PCDHGB7: variants seen among roughly 807,000 people sequenced by gnomAD.
The protein encoded by PCDHGB7 is protocadherin gamma subfamily B, 7, also known as protocadherin gamma-B7.
In PCDHGB7, 37 loss-of-function variants were observed where a neutral mutation model predicts 61.4. The ratio of observed to expected loss-of-function variants is 0.60; its 90% CI spans 0.46 to 0.79. The LOEUF is 0.79. Among genes scored for constraint, PCDHGB7 ranks in the 30% least tolerant of loss-of-function variants. PCDHGB7 has a pLI of 0.00. For missense variants in PCDHGB7, 1,166 were observed against 1,202.5 expected, an observed-to-expected ratio of 0.97 and a Z score of 0.45; for synonymous variants, 464 against 503.5, an observed-to-expected ratio of 0.92 and a Z score of 1.05.
chr5:141,421,695 T>C (rs374319762), intron 1 of PCDHGB7: 15 of 1,613,840 alleles, frequency 9.3e-6, no homozygotes, highest in Non-Finnish European at 1.2e-5. Context: ...TTGCTCTTCC[T>C]AATGCTAGGG....
Position 141,490,845 on chromosome 5 carries a change from G to T in PCDHGB7, c.2416-3962G>T, listed in dbSNP as rs748605746. The T allele has an allele frequency of 1.4e-5, 22 of 1,613,726 alleles. No individual in the cohort carries two copies. The highest frequency in any genetic ancestry group is 1.7e-5 in the Non-Finnish European group (20 of 1,179,894). On this transcript the variant is annotated intron_variant, in intron 1 of 3. Coordinates refer to ENST00000398594, the MANE Select transcript of PCDHGB7 (RefSeq NM_018927.4). This position sits in a 1 kb window ranked among gnomAD's most constrained non-coding sequence, Gnocchi z 5.4. ...TGCAGATGCTGCAGATTGTGGTGGG[G>T]GTTCGAGACTCCGGCTCTCCCCCAT...
At position 141,477,372 on chromosome 5, in the gene PCDHGB7, CTG is replaced by C; in HGVS notation, c.2416-17432_2416-17431del. On this transcript the variant is annotated intron_variant, in intron 1 of 3. Transcript: ENST00000398594. This position sits in a 1 kb window ranked among gnomAD's most constrained non-coding sequence, Gnocchi z 4.9. ...ACCAGTGCAGACCTGGATCGGGAGA[CTG>C]TGCCAGAATACAACCTCAGCATCAC... The C allele has an allele frequency of 6.2e-7, 1 of 1,614,154 alleles. No homozygotes were observed. The highest frequency in any genetic ancestry group is 8.5e-7 in the Non-Finnish European group (1 of 1,180,030).
chr5:141,490,984 T>TCTG lies in PCDHGB7; in HGVS notation c.2416-3820_2416-3818dup. On this transcript the variant is annotated intron_variant, in intron 1 of 3. Transcript: ENST00000398594. The surrounding 1 kb of genome is among the most constrained non-coding windows in gnomAD (Gnocchi z 5.4). ...CTCAGCCCCCCAGCGTCTCCCTCGCTCTGCTCCTCCTGGCTCCTTGGTCAC... is the reference window on the plus strand; with the variant it reads ...CTCAGCCCCCCAGCGTCTCCCTCGCTCTGCTGCTCCTCCTGGCTCCTTGGTCAC... The TCTG allele has an allele frequency of 1.2e-6, 2 of 1,614,110 alleles. No homozygotes were observed. Among genetic ancestry groups the TCTG allele is most frequent in the Non-Finnish European group, 1.7e-6 (2 of 1,180,028 alleles).
intron 1 of PCDHGB7, among the ~76,000 whole-genome samples, chr5:141,434,609 G>T (rs189866750): frequency 1.3e-5 from 2 of 151,946 alleles, no homozygotes; most frequent in Non-Finnish European, 2.9e-5. Flanking sequence ...CTTTATTTCC[G>T]CCCATCTCTT....
At position 141,489,728 on chromosome 5, in the gene PCDHGB7, G is replaced by T; in HGVS notation, c.2416-5079G>T. ...GACAGTGCCCAGGATCCGGATGTGGGCACCAATACTGTGAGCTTTTACACT... is the reference window on the plus strand; with the variant it reads ...GACAGTGCCCAGGATCCGGATGTGGTCACCAATACTGTGAGCTTTTACACT... On this transcript the variant is annotated intron_variant, in intron 1 of 3. Transcript: ENST00000398594. The surrounding 1 kb of genome is among the most constrained non-coding windows in gnomAD (Gnocchi z 4.5). The T allele has an allele frequency of 3.1e-6, 5 of 1,614,138 alleles. No homozygotes were observed. The South Asian group carries it at 5.5e-5, about 18-fold the overall frequency.
At chr5:141,420,742 A>G (rs967908996) in intron 1 of PCDHGB7, among the ~76,000 whole-genome samples, 3 of 152,372 alleles carry the variant, frequency 2.0e-5, no homozygotes, top group African/African-American at 7.2e-5. Context: ...AATCAATTGG[A>G]ACCAACTACA....
chr5:141,419,109 A>T lies in PCDHGB7; in HGVS notation c.1250A>T (p.Glu417Val). The change falls in exon 1 of 4, where the codon GAG becomes GTG. Residue 417 changes from glutamate (E) to valine (V), a missense_variant. Coordinates refer to ENST00000398594, the MANE Select transcript of PCDHGB7 (RefSeq NM_018927.4). ...DEALDREQTPEYNVTIAATDR... is the reference protein window; with the variant it reads ...DEALDREQTPVYNVTIAATDR... ...GCCCTGGATCGGGAGCAGACCCCAG[A>T]GTACAACGTCACCATCGCAGCCACA... 1 of 1,613,940 alleles carries T rather than the reference A, an allele frequency of 6.2e-7. No individual in the cohort carries two copies. The highest frequency in any genetic ancestry group is 8.5e-7 in the Non-Finnish European group (1 of 1,179,896).
chr5:141,479,733 A>G (rs2099504879), intron 1 of PCDHGB7: 1 of 152,254 alleles, frequency 6.6e-6, no homozygotes, highest in Admixed American at 6.5e-5. Context: ...TTTCTTAAGT[A>G]TATGCACAAT....
Position 141,486,344 on chromosome 5 carries a change from G to C in PCDHGB7, c.2416-8463G>C. 6.2e-7 allele frequency: 1 copy of C among 1,614,062 alleles called. No homozygotes were observed. The highest frequency in any genetic ancestry group is 8.5e-7 in the Non-Finnish European group (1 of 1,180,022). On this transcript the variant is annotated intron_variant, in intron 1 of 3. Transcript: ENST00000398594. The surrounding 1 kb of genome is among the most constrained non-coding windows in gnomAD (Gnocchi z 5.0). Reference sequence around the variant, plus strand: ...CGGAGATGTGAGCCTCCGCATTCCTGACCACTTGCCATTTGCCCTCAAGTC... The same window carrying C: ...CGGAGATGTGAGCCTCCGCATTCCTCACCACTTGCCATTTGCCCTCAAGTC...
At chr5:141,449,198 A>C (rs2098631518) in intron 1 of PCDHGB7, among the ~76,000 whole-genome samples, 1 of 152,188 alleles carries the variant, frequency 6.6e-6, no homozygotes, top group Non-Finnish European at 1.5e-5. Context: ...AAGAAGTGTT[A>C]ATTCTAACTT....
chr5:141,458,556 T>C (rs1424881453), intron 1 of PCDHGB7, among the ~76,000 whole-genome samples: 1 of 145,670 alleles, frequency 6.9e-6, no homozygotes, highest in Non-Finnish European at 1.5e-5. Flanking sequence ...TTGTTTGTTT[T>C]GGTTTTGGGT....
chr5:141,480,240 C>CAA (rs11374694), intron 1 of PCDHGB7, among the ~76,000 whole-genome samples: 156 of 114,060 alleles, frequency 1.4e-3, no homozygotes, highest in Admixed American at 4.6e-3. Flanking sequence ...CCTGTCTCTA[C>CAA]AAAAAAAAAA....
Position 141,490,008 on chromosome 5 carries a change from C to T in PCDHGB7, c.2416-4799C>T. 6.2e-7 allele frequency: 1 copy of T among 1,614,230 alleles called. No homozygotes were observed. ...GTGTGGGAATCCCAGAGAATGCACC[C>T]ATTGGTACTCTGCTGCTCCGCCTCA... On this transcript the variant is annotated intron_variant, in intron 1 of 3. Transcript: ENST00000398594. This position sits in a 1 kb window ranked among gnomAD's most constrained non-coding sequence, Gnocchi z 5.4.
At chr5:141,425,447 A>G (rs549575207) in intron 1 of PCDHGB7, among the ~76,000 whole-genome samples, 5 of 152,318 alleles carry the variant, frequency 3.3e-5, no homozygotes, top group African/African-American at 1.2e-4. Flanking sequence ...AAAATAAAAC[A>G]CCATCACATT....
At chr5:141,474,252 A>T (rs1381172188) in intron 1 of PCDHGB7, among the ~76,000 whole-genome samples, 1 of 152,200 alleles carries the variant, frequency 6.6e-6, no homozygotes, top group Non-Finnish European at 1.5e-5. Flanking sequence ...GGAAAAAAAG[A>T]CTGATAAACC....
chr5:141,427,998 C>A, intron 1 of PCDHGB7: 1 of 1,600,956 alleles, frequency 6.2e-7, no homozygotes, highest in Non-Finnish European at 8.6e-7. Context: ...TGGCTCCGCA[C>A]TCTTCGATAT....
At position 141,437,305 on chromosome 5, in the gene PCDHGB7, G is replaced by A. The variant is rs369317069; in HGVS notation, c.2415+17031G>A. On this transcript the variant is annotated intron_variant, in intron 1 of 3. Transcript: ENST00000398594. ...TATCCATTTCATCTAACAAGTTAAA[G>A]CGTTCAGCTATAATTTAAAATTTGT... 1.8e-4 allele frequency among the ~76,000 whole-genome samples: 28 copies of A among 152,266 alleles called. No homozygotes were observed. In the South Asian group the frequency reaches 4.8e-3, roughly 26 times the overall value.
intron 1 of PCDHGB7, among the ~76,000 whole-genome samples, chr5:141,453,827 C>T (rs2098775483): frequency 6.6e-6 from 1 of 152,320 alleles, no homozygotes; most frequent in South Asian, 2.1e-4. Flanking sequence ...AACTTGGCTG[C>T]TAGCCCTTCA....
At chr5:141,507,132 C>T (rs748716107) in intron 3 of PCDHGB7, 2 of 152,188 alleles carry the variant, frequency 1.3e-5, no homozygotes, top group African/African-American at 2.4e-5. Flanking sequence ...GATCCAGCCT[C>T]GGCTTCTCTA....
Sources: allele counts gnomAD v4.1 joint callset (sites outside exome capture counted in the v4.1 genomes callset), GRCh38; gene constraint gnomAD v4.1.1; non-coding constraint Gnocchi (gnomAD v3.1); transcripts MANE v1.5; gene names NCBI Gene and HGNC (gene_info 2026-07-23, HGNC 2026-07-21).